VPS13B: variants seen among roughly 807,000 people sequenced by gnomAD.
VPS13B encodes intermembrane lipid transfer protein VPS13B.
Under a neutral mutation model 426.4 loss-of-function variants are expected in VPS13B, and 285 were observed. That is an observed-to-expected ratio of 0.67 (90% CI 0.61 to 0.74). VPS13B has a LOEUF of 0.74. Ranked by LOEUF, VPS13B falls within the 30% of genes least tolerant of loss-of-function variation. The pLI is 0.00. For missense variants in VPS13B, 4,537 were observed against 4,782.6 expected (o/e 0.95, Z 1.51); for synonymous variants, 1,676 against 1,676.4 (o/e 1.00, Z 0.01).
Position 99,507,927 on chromosome 8 carries a change from A to G in VPS13B, c.4224+724A>G, listed in dbSNP as rs780003978. Reference sequence around the variant, plus strand: ...CTTTCCTTCTGTAAGAAATTACTTTAAATTATGCTACACAACTCCCATTAA... The same window carrying G: ...CTTTCCTTCTGTAAGAAATTACTTTGAATTATGCTACACAACTCCCATTAA... On this transcript the variant is annotated intron_variant, in intron 28 of 61. Transcript: ENST00000357162. 18 of 1,613,970 alleles carry G rather than the reference A, an allele frequency of 1.1e-5. No homozygotes were observed. Among genetic ancestry groups the G allele is most frequent in the Middle Eastern group, 3.3e-4 (2 of 6,060 alleles).
intron 19 of VPS13B, among the ~76,000 whole-genome samples, chr8:99,295,542 T>C (rs1427839789): frequency 6.6e-6 from 1 of 152,178 alleles, no homozygotes; most frequent in Admixed American, 6.6e-5. Flanking sequence ...TTGAACACTA[T>C]AGCTTAGCCT....
chr8:99,697,788 T>C, intron 35 of VPS13B: 1 of 621,610 alleles, frequency 1.6e-6, no homozygotes, highest in South Asian at 1.5e-5. Context: ...ATCAGCACCA[T>C]GAAGCAAGTC....
At position 99,508,702 on chromosome 8, in the gene VPS13B, C is replaced by T. The variant is rs530532790; in HGVS notation, c.4224+1499C>T. On this transcript the variant is annotated intron_variant, in intron 28 of 61. Coordinates refer to ENST00000357162, the MANE Select transcript of VPS13B (RefSeq NM_152564.5). ...TTTTAACAAATATTCATAAAGAAACCGTAAATTTATCGTTAATGTTCTTCA... is the reference window on the plus strand; with the variant it reads ...TTTTAACAAATATTCATAAAGAAACTGTAAATTTATCGTTAATGTTCTTCA... 4.6e-5 allele frequency among the ~76,000 whole-genome samples: 7 copies of T among 151,778 alleles called. No homozygotes were observed. In the South Asian group the frequency reaches 6.2e-4, roughly 14 times the overall value.
intron 25 of VPS13B, among the ~76,000 whole-genome samples, chr8:99,483,952 A>G (rs1194459741): frequency 6.6e-6 from 1 of 152,138 alleles, no homozygotes; most frequent in Non-Finnish European, 1.5e-5. Flanking sequence ...GTGAAATGTA[A>G]TAAAAATAAA....
intron 19 of VPS13B, among the ~76,000 whole-genome samples, chr8:99,275,704 G>A (rs911967580): frequency 6.6e-6 from 1 of 152,016 alleles, no homozygotes; most frequent in African/African-American, 2.4e-5. Context: ...ATTTCTTAGA[G>A]TTTTATTTTT....
In VPS13B at chr8:99,642,431, G is replaced by T; in HGVS notation, c.5841G>T (p.Lys1947Asn). ...PSLLLSCHHR[K>N]QRVEVSIFDA... ...TGCTTCTGAGTTGTCACCACAGAAA[G>T]CAGCGAGTGGAAGTATCCATTTTTG... is the stretch of plus-strand genomic sequence containing the variant. Residue 1947 changes from lysine to asparagine, a missense_variant, in exon 34 of 62, where the codon AAG becomes AAT. Around this residue, in one of 2 missense-constraint regions of VPS13B, gnomAD observed 4,311 missense variants for 4,474.3 expected, o/e 0.96. Transcript: ENST00000357162. 1 of 1,614,074 alleles carries T rather than the reference G, an allele frequency of 6.2e-7. No homozygotes were observed. Among genetic ancestry groups the T allele is most frequent in the Non-Finnish European group, 8.5e-7 (1 of 1,179,996 alleles).
At chr8:99,516,818 A>AAAAAAAAT (rs1822103371) in intron 29 of VPS13B, among the ~76,000 whole-genome samples, 2 of 148,398 alleles carry the variant, frequency 1.3e-5, no homozygotes, top group South Asian at 2.1e-4. Context: ...AAAAAAAAAA[A>AAAAAAAAT]GTATATGTAA....
chr8:99,801,523 TTAGGTTGTCACCTAC>T (rs1182068200), intron 43 of VPS13B, among the ~76,000 whole-genome samples: 1 of 152,152 alleles, frequency 6.6e-6, no homozygotes, highest in African/African-American at 2.4e-5. Context: ...ACATGACAGG[TTAGGTTGTCACCTAC>T]TTTTGTTTAT....
At chr8:99,765,795 C>G (rs1811186724) in intron 39 of VPS13B, among the ~76,000 whole-genome samples, 1 of 152,180 alleles carries the variant, frequency 6.6e-6, no homozygotes, top group East Asian at 1.9e-4. Context: ...TGTTACCTGT[C>G]TTATTCCAGT....
intron 7 of VPS13B, among the ~76,000 whole-genome samples, chr8:99,117,323 G>A (rs1225800341): frequency 1.3e-5 from 2 of 152,136 alleles, no homozygotes; most frequent in African/African-American, 4.8e-5. Flanking sequence ...TGGAGAAACT[G>A]GAACTCATAT....
At chr8:99,708,848 T>TA (rs1832597954) in intron 36 of VPS13B, among the ~76,000 whole-genome samples, 1 of 123,944 alleles carries the variant, frequency 8.1e-6, no homozygotes, top group East Asian at 3.0e-4. Context: ...TCTCTCTCTC[T>TA]CTATATATAT....
chr8:99,427,995 C>T (rs1411851767), intron 21 of VPS13B, among the ~76,000 whole-genome samples: 1 of 152,042 alleles, frequency 6.6e-6, no homozygotes, highest in African/African-American at 2.4e-5. Context: ...TATCTACAAC[C>T]ATCTGATCTT....
intron 22 of VPS13B, among the ~76,000 whole-genome samples, chr8:99,437,938 TTTCTC>T (rs1817474531): frequency 6.6e-6 from 1 of 152,132 alleles, no homozygotes; most frequent in South Asian, 2.1e-4. Flanking sequence ...TAGGAGAACA[TTTCTC>T]TGCTTATTGC....
intron 35 of VPS13B, among the ~76,000 whole-genome samples, chr8:99,684,026 G>C (rs1831267643): frequency 6.6e-6 from 1 of 152,142 alleles, no homozygotes; most frequent in Non-Finnish European, 1.5e-5. Context: ...AGTTTGCCTA[G>C]AGTTATTATA....
chr8:99,540,340 A>G (rs1823547935), intron 30 of VPS13B, among the ~76,000 whole-genome samples: 1 of 151,532 alleles, frequency 6.6e-6, no homozygotes, highest in South Asian at 2.1e-4. Flanking sequence ...CAGCCTCCCA[A>G]AAGTGCTGAG....
chr8:99,102,693 T>C (rs533783994), intron 4 of VPS13B, among the ~76,000 whole-genome samples: 1 of 152,318 alleles, frequency 6.6e-6, no homozygotes, highest in East Asian at 1.9e-4. Context: ...CAAAAATATA[T>C]ATGGTCTTTG....
chr8:99,352,071 C>T (rs1282772551), intron 19 of VPS13B, among the ~76,000 whole-genome samples: 2 of 152,082 alleles, frequency 1.3e-5, no homozygotes, highest in Admixed American at 6.5e-5. Flanking sequence ...ACTGCTTAGG[C>T]TTGTGTTATA....
chr8:99,156,378 T>C (rs943170385), intron 14 of VPS13B, among the ~76,000 whole-genome samples, 171 bp from the exon 15 acceptor site: 1 of 152,184 alleles, frequency 6.6e-6, no homozygotes, highest in African/African-American at 2.4e-5. Context: ...TTAAAATACA[T>C]GGAAAGACAT....
At chr8:99,760,179 TTCA>T (rs1810856727) in intron 39 of VPS13B, among the ~76,000 whole-genome samples, 2 of 152,090 alleles carry the variant, frequency 1.3e-5, no homozygotes, top group Admixed American at 1.3e-4. Flanking sequence ...GAGACGGGGT[TTCA>T]TCATCTTGGT....
Sources: gnomAD v4.1 joint callset for allele counts (sites outside exome capture counted in the v4.1 genomes callset) on GRCh38, gnomAD v4.1.1 for gene constraint, gnomAD v4.1.1 regional missense constraint, MANE v1.5 for transcripts, NCBI Gene and HGNC (gene_info 2026-07-23, HGNC 2026-07-21) for gene names.